Variants in SNX30 observed in about 807,000 individuals in gnomAD.
SNX30 encodes the protein sorting nexin-30.
Under a neutral mutation model 46.4 loss-of-function variants are expected in SNX30, and 24 were observed. The ratio of observed to expected loss-of-function variants is 0.52; its 90% CI spans 0.37 to 0.73. SNX30 has a LOEUF of 0.73. Ranked by LOEUF, SNX30 falls within the 30% of genes least tolerant of loss-of-function variation. The pLI is 0.00. For synonymous variants in SNX30, 189 were observed against 211.5 expected (o/e 0.89, Z 0.92); for missense variants, 533 against 555.7 (o/e 0.96, Z 0.41).
intron 1 of SNX30, among the ~76,000 whole-genome samples, chr9:112,773,241 A>G (rs1264808155): frequency 6.6e-5 from 10 of 152,196 alleles, no homozygotes; most frequent in African/African-American, 2.2e-4. Context: ...TGTCCCATCC[A>G]TAAAATGGGG....
chr9:112,763,196 C>T (rs1839472358), intron 1 of SNX30, among the ~76,000 whole-genome samples: 1 of 151,646 alleles, frequency 6.6e-6, no homozygotes, highest in Non-Finnish European at 1.5e-5. Context: ...GAGATGGGGC[C>T]TTGCTCTGTT....
chr9:112,815,359 C>CTTT (rs201531415), intron 2 of SNX30, among the ~76,000 whole-genome samples: 1 of 140,708 alleles, frequency 7.1e-6, no homozygotes. Context: ...AATAGTGTAA[C>CTTT]TTTTTTTTTT....
rs71957119 is a variant in SNX30 at position 112,857,755 on chromosome 9, C to CGCAT, written c.1102-6479_1102-6476dup. On this transcript the variant is annotated intron_variant, in intron 7 of 8. Transcript: ENST00000374232. ...GTGGCACATGGAAGGAGCTCAGTAA[C>CGCAT]GCATGCATGCATGCATCCATCCATC... is the stretch of plus-strand genomic sequence containing the variant. Among the ~76,000 whole-genome samples the CGCAT allele has an allele frequency of 2.0e-5, 3 of 150,062 alleles. No homozygotes were observed. The East Asian group carries it at 5.9e-4, about 30-fold the overall frequency.
At chr9:112,846,922 G>A (rs1383882781) in intron 6 of SNX30, among the ~76,000 whole-genome samples, 1 of 152,166 alleles carries the variant, frequency 6.6e-6, no homozygotes, top group Non-Finnish European at 1.5e-5. Flanking sequence ...GGTCAGACAT[G>A]TGCATGAGTC....
chr9:112,771,067 C>G (rs192508698), intron 1 of SNX30, among the ~76,000 whole-genome samples: 92 of 151,926 alleles, frequency 6.1e-4, no homozygotes, highest in South Asian at 2.1e-3. Context: ...TTATTCTCCC[C>G]CTTTACCTGG....
intron 2 of SNX30, among the ~76,000 whole-genome samples, chr9:112,816,101 C>T (rs2131418993): frequency 6.6e-6 from 1 of 152,246 alleles, no homozygotes; most frequent in Non-Finnish European, 1.5e-5. Context: ...CCTTCTTGGC[C>T]TCTTAAAGGG....
intron 1 of SNX30, among the ~76,000 whole-genome samples, chr9:112,779,986 A>G (rs765587197): frequency 3.0e-4 from 46 of 152,162 alleles, no homozygotes; most frequent in Non-Finnish European, 6.2e-4. Context: ...ATATGTGTGC[A>G]AGGGTGAGGA....
At chr9:112,879,717 G>A, downstream of SNX30, 1 of 1,565,200 alleles carries the variant, frequency 6.4e-7, no homozygotes, top group South Asian at 1.1e-5. Context: ...GTCTTCTGGG[G>A]GCCTGGCCAT....
intron 8 of SNX30, among the ~76,000 whole-genome samples, chr9:112,865,651 A>ATGTGTGTGTGTGTG (rs1170776453): frequency 1.2e-5 from 1 of 86,148 alleles, no homozygotes; most frequent in Non-Finnish European, 2.8e-5. Flanking sequence ...ATATATATAT[A>ATGTGTGTGTGTGTG]TATATATATA....
intron 7 of SNX30, among the ~76,000 whole-genome samples, chr9:112,854,053 C>T (rs753824865): frequency 5.3e-5 from 8 of 152,236 alleles, no homozygotes; most frequent in Non-Finnish European, 1.0e-4. Context: ...TCTGTACAAG[C>T]TCAGCACTGA....
chr9:112,784,058 G>A (rs1839883966), intron 1 of SNX30, among the ~76,000 whole-genome samples: 1 of 152,148 alleles, frequency 6.6e-6, no homozygotes, highest in African/African-American at 2.4e-5. Context: ...CTAATCCTCT[G>A]TAATTTACCT....
intron 3 of SNX30, among the ~76,000 whole-genome samples, chr9:112,822,580 A>G (rs182168569): frequency 4.4e-5 from 6 of 135,434 alleles, no homozygotes; most frequent in East Asian, 2.2e-4. Flanking sequence ...TAAGATGTAC[A>G]TAATGTGTAA....
At chr9:112,809,789 G>A (rs1173469316) in intron 2 of SNX30, among the ~76,000 whole-genome samples, 1 of 152,118 alleles carries the variant, frequency 6.6e-6, no homozygotes, top group Non-Finnish European at 1.5e-5. Context: ...AGAGAGAGAA[G>A]AGTGTTAGAA....
chr9:112,834,874 A>ACC (rs1312742694), intron 4 of SNX30, among the ~76,000 whole-genome samples: 2 of 82,080 alleles, frequency 2.4e-5, no homozygotes, highest in South Asian at 4.3e-4. Context: ...ACACACACAC[A>ACC]CACACACACC....
At chr9:112,868,346 A>C (rs1841393434) in intron 8 of SNX30, among the ~76,000 whole-genome samples, 2 of 152,204 alleles carry the variant, frequency 1.3e-5, no homozygotes, top group Admixed American at 1.3e-4. Context: ...GCTCCAAGTC[A>C]GGTGCCTGGC....
chr9:112,817,890 C>T, intron 3 of SNX30, 75 bp downstream of exon 3: 1 of 950,558 alleles, frequency 1.1e-6, no homozygotes, highest in Non-Finnish European at 1.7e-6. Context: ...ACTCAACTCT[C>T]ATCCCTTAAG....
intron 2 of SNX30, among the ~76,000 whole-genome samples, chr9:112,805,431 T>C (rs184909067): frequency 7.9e-5 from 12 of 152,280 alleles, no homozygotes; most frequent in African/African-American, 2.6e-4. Context: ...TGGGCAGGTG[T>C]TGAGATTTAA....
chr9:112,879,001 A>C (rs986593077), downstream of SNX30: 3 of 152,262 alleles, frequency 2.0e-5, no homozygotes, highest in Non-Finnish European at 4.4e-5. Flanking sequence ...TACCTCAAAT[A>C]AAATAGCTCT....
intron 7 of SNX30, among the ~76,000 whole-genome samples, 193 bp from the exon 8 acceptor site, chr9:112,864,054 C>T (rs1416094475): frequency 2.6e-5 from 4 of 152,166 alleles, no homozygotes; most frequent in Admixed American, 2.6e-4. Context: ...TTAGGAGAGC[C>T]CCTTTTCAGA....
Sources: gnomAD v4.1 joint callset for allele counts (sites outside exome capture counted in the v4.1 genomes callset) on GRCh38, gnomAD v4.1.1 for gene constraint, MANE v1.5 for transcripts, NCBI Gene and HGNC (gene_info 2026-07-23, HGNC 2026-07-21) for gene names.